The following GDA variants were observed in gnomAD, a reference collection of about 807,000 sequenced individuals.
GDA encodes the protein cytoplasmic PSD-95 interactor.
A neutral mutation model predicts 59.6 loss-of-function variants in GDA; 18 were observed. The observed-to-expected ratio is 0.30, with a 90% CI of 0.21 to 0.45. The LOEUF is 0.45. Ranked by LOEUF, GDA falls within the 20% of genes least tolerant of loss-of-function variation. The pLI, the probability that GDA is intolerant of heterozygous loss-of-function variation, is 1.00. For missense variants in GDA, 427 were observed against 552.3 expected, an observed-to-expected ratio of 0.77 and a Z score of 2.27; for synonymous variants, 201 against 201.1, an observed-to-expected ratio of 1.00 and a Z score of 0.00.
chr9:72,149,523 C>G lies in GDA; in HGVS notation c.-37C>G. The G allele has an allele frequency of 6.2e-7, 1 of 1,604,796 alleles. No individual in the cohort carries two copies. Among genetic ancestry groups the G allele is most frequent in the Non-Finnish European group, 8.5e-7 (1 of 1,177,812 alleles). On this transcript the variant is annotated 5_prime_UTR_variant, in exon 1 of 14. Transcript: ENST00000358399. ...CTGCGTCTCCGCCGCGTGCGCCCTCCTCGACCAGCAGACCCGCGCTGCGCT... is the reference window on the plus strand; with the variant it reads ...CTGCGTCTCCGCCGCGTGCGCCCTCGTCGACCAGCAGACCCGCGCTGCGCT...
intron 3 of GDA, among the ~76,000 whole-genome samples, chr9:72,207,712 T>C (rs1206610388): frequency 3.9e-5 from 6 of 152,234 alleles, no homozygotes; most frequent in Non-Finnish European, 7.3e-5. Flanking sequence ...CTTTTTGTTT[T>C]ACATGAAAAT....
chr9:72,228,079 T>C, intron 9 of GDA, 39 bp downstream of exon 9: 2 of 1,152,560 alleles, frequency 1.7e-6, no homozygotes, highest in South Asian at 2.5e-5. Flanking sequence ...TACGAATGAT[T>C]GGGTTGCAGA....
intron 5 of GDA, among the ~76,000 whole-genome samples, chr9:72,216,052 A>G (rs1445045513): frequency 3.9e-5 from 6 of 152,234 alleles, no homozygotes; most frequent in Non-Finnish European, 7.3e-5. Flanking sequence ...CAAGTTTATT[A>G]TGCACAGATA....
chr9:72,184,043 T>C (rs1276815169), intron 1 of GDA, among the ~76,000 whole-genome samples: 1 of 152,200 alleles, frequency 6.6e-6, no homozygotes. Flanking sequence ...GCACTTATCT[T>C]TTAAAAATTT....
chr9:72,133,073 G>A (rs952818755), intron 1 of GDA, among the ~76,000 whole-genome samples: 7 of 151,578 alleles, frequency 4.6e-5, no homozygotes, highest in Non-Finnish European at 7.4e-5. Flanking sequence ...GGTGGATCAC[G>A]AGGTCAGGAG....
intron 1 of GDA, among the ~76,000 whole-genome samples, chr9:72,184,929 C>T (rs577038207): frequency 4.6e-5 from 7 of 152,260 alleles, no homozygotes; most frequent in Non-Finnish European, 1.0e-4. Context: ...CCAAATCCAG[C>T]TCCCTGACTG....
At position 72,249,317 on chromosome 9, in the gene GDA, TTC is replaced by T; in HGVS notation, c.*977_*978del. ...TTCCACCCAAACAATATGTTGTAGT[TTC>T]TGGAAATTCCATACTCAGATATCAG... On this transcript the variant is annotated 3_prime_UTR_variant, in exon 14 of 14. Transcript: ENST00000358399. 1 of 983,764 alleles carries T rather than the reference TTC, an allele frequency of 1.0e-6. No individual in the cohort carries two copies. The highest frequency in any genetic ancestry group is 1.2e-6 in the Non-Finnish European group (1 of 828,408). 60.9% of individuals were successfully genotyped at this position (983,764 alleles called of 1,614,324 possible).
chr9:72,249,606 T>C lies in GDA; in HGVS notation c.*1264T>C. 3.8e-5 allele frequency: 25 copies of C among 656,184 alleles called. No homozygotes were observed. Among genetic ancestry groups the C allele is most frequent in the Non-Finnish European group, 4.7e-5 (25 of 529,904 alleles). 40.6% of individuals were successfully genotyped at this position (656,184 alleles called of 1,614,324 possible). A position where few individuals can be genotyped will look rare whatever the true frequency, so the allele number is the denominator to read the frequency against. ...AGACTATTTTTATGCTTCCATAACC[T>C]AGAATTAAAACCAAATTATGACCTT... On this transcript the variant is annotated 3_prime_UTR_variant, in exon 14 of 14. Transcript: ENST00000358399.
chr9:72,169,280 G>C (rs1412264966), intron 1 of GDA, among the ~76,000 whole-genome samples: 3 of 152,196 alleles, frequency 2.0e-5, no homozygotes, highest in Non-Finnish European at 4.4e-5. Flanking sequence ...AGGCAAGTAG[G>C]TGGGCTTGTT....
chr9:72,204,166 C>T (rs935099236), intron 3 of GDA, among the ~76,000 whole-genome samples: 14 of 152,112 alleles, frequency 9.2e-5, no homozygotes, highest in Admixed American at 7.2e-4. Flanking sequence ...AAATTCAGTG[C>T]AATTGTGGAT....
At chr9:72,218,404 G>A (rs1316070501) in intron 5 of GDA, among the ~76,000 whole-genome samples, 1 of 152,200 alleles carries the variant, frequency 6.6e-6, no homozygotes, top group East Asian at 1.9e-4. Flanking sequence ...CATGCTCACA[G>A]AGAGGAGGAA....
chr9:72,222,880 A>AT lies in GDA; in HGVS notation c.607-234dup, dbSNP rs570375014. ...CGCCACCACGCCCAGCTAATTTTGT[A>AT]TTTTTTAGCAGAGACAGGGTTTCTC... On this transcript the variant is annotated intron_variant, in intron 6 of 13. Coordinates refer to ENST00000358399, the MANE Select transcript of GDA (RefSeq NM_004293.5). Among the ~76,000 whole-genome samples the AT allele has an allele frequency of 3.3e-5, 5 of 151,472 alleles. No individual in the cohort carries two copies. In the South Asian group the frequency reaches 1.0e-3, roughly 32 times the overall value.
At chr9:72,254,339 TAGAG>T (rs770971569), downstream of GDA, among the ~76,000 whole-genome samples, 1 of 152,024 alleles carries the variant, frequency 6.6e-6, no homozygotes, top group African/African-American at 2.4e-5. Context: ...GGAGTATAGA[TAGAG>T]AGATAAAAGC....
At chr9:72,173,690 G>C (rs777839288) in intron 1 of GDA, among the ~76,000 whole-genome samples, 7 of 152,140 alleles carry the variant, frequency 4.6e-5, no homozygotes, top group Admixed American at 6.5e-5. Context: ...GCTAATCTGA[G>C]ATAATCTTCC....
rs369272205 is a variant in GDA, at chr9:72,193,650, T to C, written c.124-1850T>C. 1.1e-4 allele frequency among the ~76,000 whole-genome samples: 17 copies of C among 152,326 alleles called. No individual in the cohort carries two copies. The South Asian group carries it at 1.7e-3, about 15-fold the overall frequency. The stretch of plus-strand genomic sequence containing the variant: ...TTCTGTAATCACTCCCTGGCTACTG[T>C]CTATGTTCACTCAAGGCCCTGGGGC... On this transcript the variant is annotated intron_variant, in intron 1 of 13. Transcript: ENST00000358399.
intron 11 of GDA, among the ~76,000 whole-genome samples, chr9:72,244,511 A>G (rs1244374680): frequency 1.3e-5 from 2 of 152,166 alleles, no homozygotes; most frequent in East Asian, 1.9e-4. Flanking sequence ...TGAGGTTGCA[A>G]AGAGATTGGT....
At chr9:72,216,697 A>G (rs2131512446) in intron 5 of GDA, among the ~76,000 whole-genome samples, 1 of 150,124 alleles carries the variant, frequency 6.7e-6, no homozygotes, top group African/African-American at 2.5e-5. Context: ...TTTTTTTGAG[A>G]CGGAATCTTG....
intron 1 of GDA, among the ~76,000 whole-genome samples, chr9:72,159,584 A>G (rs933887533): frequency 6.6e-6 from 1 of 152,204 alleles, no homozygotes; most frequent in African/African-American, 2.4e-5. Flanking sequence ...CTTACATATA[A>G]TGATATAAGA....
chr9:72,241,986 C>T (rs1257265718), intron 11 of GDA, among the ~76,000 whole-genome samples: 1 of 152,168 alleles, frequency 6.6e-6, no homozygotes, highest in Non-Finnish European at 1.5e-5. Flanking sequence ...AAAATAGTAG[C>T]CAAGGCTTAC....
Sources: gnomAD v4.1 joint callset for allele counts (sites outside exome capture counted in the v4.1 genomes callset) on GRCh38, gnomAD v4.1.1 for gene constraint, MANE v1.5 for transcripts, NCBI Gene and HGNC (gene_info 2026-07-23, HGNC 2026-07-21) for gene names.